S100PBP: variants seen among roughly 807,000 people sequenced by gnomAD.
S100PBP encodes S100P-binding protein.
In S100PBP, 15 loss-of-function variants were observed where a neutral mutation model predicts 39.9. The observed-to-expected ratio is 0.38, with a 90% confidence interval of 0.25 to 0.58. The LOEUF is 0.58. S100PBP is among the 20% of genes least tolerant of loss of function. The pLI is 0.70. For synonymous variants in S100PBP, 178 were observed against 180.3 expected, an observed-to-expected ratio of 0.99 and a Z score of 0.10; for missense variants, 504 against 487.3, an observed-to-expected ratio of 1.03 and a Z score of -0.32.
At chr1:32,816,703 G>C (rs76213478), upstream of S100PBP, 184 of 165,630 alleles carry the variant, frequency 1.1e-3, 1 homozygote, top group South Asian at 6.0e-3. Context: ...GTGGAGTGAG[G>C]GGGGGGGATC....
chr1:32,822,729 G>A (rs1001749521), intron 1 of S100PBP, among the ~76,000 whole-genome samples: 3 of 151,652 alleles, frequency 2.0e-5, no homozygotes, highest in African/African-American at 7.3e-5. Flanking sequence ...ATATGGTATT[G>A]TTTTGTATAC....
upstream of S100PBP, chr1:32,817,072 C>T: frequency 7.5e-7 from 1 of 1,334,224 alleles, no homozygotes; most frequent in Non-Finnish European, 1.1e-6. Context: ...TCTCTCAGAG[C>T]TGCGCCAGCG....
Position 32,856,224 on chromosome 1 carries a change from C to T in S100PBP, c.*186C>T. The stretch of plus-strand genomic sequence containing the variant: ...ACTTGAATTTTTTTGTATGAAGTCC[C>T]TCCTGATTTTGTGTGTGTGTGTCTG... On this transcript the variant is annotated 3_prime_UTR_variant, in exon 7 of 7. Coordinates refer to ENST00000373475, the MANE Select transcript of S100PBP (RefSeq NM_022753.4). 2.3e-6 allele frequency: 1 copy of T among 435,308 alleles called. No individual in the cohort carries two copies. 27.0% of individuals were successfully genotyped at this position (435,308 alleles called of 1,614,324 possible). A position where few individuals can be genotyped will look rare whatever the true frequency, so the allele number is the denominator to read the frequency against.
At chr1:32,828,128 C>G in intron 4 of S100PBP, 47 bp downstream of exon 4, 1 of 1,335,688 alleles carries the variant, frequency 7.5e-7, no homozygotes, top group Non-Finnish European at 1.1e-6. Context: ...TGGTTCTCTT[C>G]AATTTCTTTC....
At chr1:32,852,871 G>A in intron 5 of S100PBP, 1 of 514,994 alleles carries the variant, frequency 1.9e-6, no homozygotes, top group Admixed American at 3.4e-5. Context: ...ATGAATGAAT[G>A]GTGGCTGCTA....
Position 32,826,753 on chromosome 1 carries a change from C to G in S100PBP, c.654C>G (p.Asn218Lys), listed in dbSNP as rs781060315. 5 of 1,614,164 alleles carry G rather than the reference C, an allele frequency of 3.1e-6. No homozygotes were observed. The highest frequency in any genetic ancestry group is 3.4e-6 in the Non-Finnish European group (4 of 1,180,032). Residue 218 changes from asparagine to lysine, a missense_variant, in exon 3 of 7, where the codon AAC becomes AAG. Transcript: ENST00000373475. ...CCCAGCTCTCTTCTTCAAACAATAA[C>G]TTTCAACAGACTGTCTCTGATAAAA... ...NGPQLSSSNNNFQQTVSDKNM... is the reference protein window; with the variant it reads ...NGPQLSSSNNKFQQTVSDKNM...
chr1:32,837,418 A>T (rs1300837959), intron 5 of S100PBP, among the ~76,000 whole-genome samples: 1 of 143,808 alleles, frequency 7.0e-6, no homozygotes, highest in Admixed American at 6.9e-5. Flanking sequence ...CCTAGCTGGG[A>T]TTATAGGCAC....
intron 5 of S100PBP, among the ~76,000 whole-genome samples, chr1:32,839,430 G>A (rs752956406): frequency 2.6e-5 from 4 of 152,152 alleles, no homozygotes; most frequent in African/African-American, 2.4e-5. Flanking sequence ...GAATAATGCC[G>A]TTATGCATAT....
intron 5 of S100PBP, among the ~76,000 whole-genome samples, chr1:32,840,446 C>G (rs1242263608): frequency 6.6e-6 from 1 of 152,140 alleles, no homozygotes; most frequent in African/African-American, 2.4e-5. Context: ...ACCTCCCCCT[C>G]CTGGGTTCAA....
intron 5 of S100PBP, among the ~76,000 whole-genome samples, chr1:32,842,220 T>C (rs962535441): frequency 1.7e-5 from 1 of 58,400 alleles, no homozygotes; most frequent in East Asian, 3.6e-4. Context: ...TATATATATA[T>C]GTATATATAT....
intron 4 of S100PBP, among the ~76,000 whole-genome samples, chr1:32,829,432 G>A (rs1312739976): frequency 2.0e-5 from 3 of 152,052 alleles, no homozygotes; most frequent in African/African-American, 7.2e-5. Context: ...GCAGGAGGTT[G>A]TATCTATTTC....
intron 5 of S100PBP, among the ~76,000 whole-genome samples, chr1:32,844,840 T>C (rs542740660): frequency 2.6e-4 from 40 of 151,536 alleles, no homozygotes; most frequent in African/African-American, 9.4e-4. Context: ...TATATATATC[T>C]TTTTTTGAGA....
chr1:32,826,391 A>G lies in S100PBP; in HGVS notation c.292A>G (p.Lys98Glu). 1.9e-6 allele frequency: 3 copies of G among 1,614,144 alleles called. No homozygotes were observed. Among genetic ancestry groups the G allele is most frequent in the Non-Finnish European group, 1.7e-6 (2 of 1,180,030 alleles). Residue 98 changes from lysine to glutamate, a missense_variant, in exon 3 of 7, where the codon AAA becomes GAA. Lys to Glu is a moderately conservative substitution (Grantham distance 56). Transcript: ENST00000373475. ...AATTCTACTTGATACTCCCCGAGAG[A>G]AAAATTCATCGTACAGCCTGGGACC... ...SQILLDTPRE[K>E]NSSYSLGPVA...
intron 5 of S100PBP, chr1:32,835,735 T>C (rs1337305580): frequency 6.6e-6 from 1 of 152,148 alleles, no homozygotes; most frequent in African/African-American, 2.4e-5. Flanking sequence ...CAGGATTTCC[T>C]TCCTTTTTAA....
chr1:32,855,172 T>C (rs1008884419), intron 6 of S100PBP, among the ~76,000 whole-genome samples: 1 of 152,202 alleles, frequency 6.6e-6, no homozygotes, highest in Non-Finnish European at 1.5e-5. Context: ...GATGTTTGTA[T>C]CCTGATTCCA....
chr1:32,840,664 T>A (rs1557502585), intron 5 of S100PBP, among the ~76,000 whole-genome samples: 1 of 152,092 alleles, frequency 6.6e-6, no homozygotes, highest in African/African-American at 2.4e-5. Context: ...ACCTATTTTC[T>A]ATTTTTCAAT....
intron 1 of S100PBP, among the ~76,000 whole-genome samples, chr1:32,819,938 A>G (rs1228686567): frequency 6.6e-6 from 1 of 152,182 alleles, no homozygotes. Context: ...GCTGAGGTCC[A>G]GTACCTCTAT....
chr1:32,847,204 T>C (rs546964047), intron 5 of S100PBP: 11 of 152,350 alleles, frequency 7.2e-5, no homozygotes, highest in African/African-American at 1.9e-4. Flanking sequence ...CGATGTGATA[T>C]TATTTTCCTT....
intron 5 of S100PBP, chr1:32,843,317 TTTGTTGTTG>T (rs3053877): frequency 1.7e-4 from 26 of 150,048 alleles, no homozygotes; most frequent in African/African-American, 5.1e-4. Context: ...TTTCTTTTTG[TTTGTTGTTG>T]TTGTTGTTGT....
Sources: allele counts gnomAD v4.1 joint callset (sites outside exome capture counted in the v4.1 genomes callset), GRCh38; gene constraint gnomAD v4.1.1; transcripts MANE v1.5; gene names NCBI Gene and HGNC (gene_info 2026-07-23, HGNC 2026-07-21).